CDH18: variants seen among roughly 807,000 people sequenced by gnomAD.
The protein encoded by CDH18 is cadherin-18.
Under a neutral mutation model 67.9 loss-of-function variants are expected in CDH18, and 31 were observed. The observed-to-expected ratio is 0.46, with a 90% CI of 0.34 to 0.62. The LOEUF (loss-of-function observed/expected upper bound fraction) is 0.62, where lower values mean the gene tolerates loss of function less well. Ranked by LOEUF, CDH18 falls within the 20% of genes least tolerant of loss-of-function variation. The pLI, the probability that CDH18 is intolerant of heterozygous loss-of-function variation, is 0.01. For missense variants in CDH18, 890 were observed against 975.5 expected, an observed-to-expected ratio of 0.91 and a Z score of 1.17; for synonymous variants, 362 against 347.2, an observed-to-expected ratio of 1.04 and a Z score of -0.48.
At chr5:19,850,519 A>G (rs1471163570) in intron 2 of CDH18, among the ~76,000 whole-genome samples, 1 of 151,864 alleles carries the variant, frequency 6.6e-6, no homozygotes, top group Non-Finnish European at 1.5e-5. Context: ...AGAAGCTTAC[A>G]GTTTAAATGA....
intron 2 of CDH18, among the ~76,000 whole-genome samples, chr5:20,163,571 G>C (rs1017325383): frequency 8.6e-5 from 13 of 151,986 alleles, no homozygotes; most frequent in African/African-American, 1.9e-4. Context: ...GATCACCATG[G>C]ACTTAATTAT....
At chr5:20,223,128 A>T (rs1394531980) in intron 2 of CDH18, among the ~76,000 whole-genome samples, 1 of 152,106 alleles carries the variant, frequency 6.6e-6, no homozygotes, top group Non-Finnish European at 1.5e-5. Flanking sequence ...CAACCCGTGA[A>T]AGCAGCCAGG....
chr5:20,520,587 G>A (rs980829397), intron 1 of CDH18, among the ~76,000 whole-genome samples: 10 of 152,224 alleles, frequency 6.6e-5, no homozygotes, highest in African/African-American at 2.4e-4. Context: ...GAGGCATTTT[G>A]CGTCTCAGGC....
chr5:20,080,127 T>C (rs1744321803), intron 2 of CDH18, among the ~76,000 whole-genome samples: 1 of 152,318 alleles, frequency 6.6e-6, no homozygotes, highest in South Asian at 2.1e-4. Context: ...TATATTTATG[T>C]ATGCTATCTT....
rs184304109 is a variant in CDH18, at chr5:20,304,205, C to A, written c.-579-48700G>T. The A allele has an allele frequency of 6.7e-6, 10 of 1,497,854 alleles. No homozygotes were observed. The African/African-American group carries it at 9.6e-5, about 14-fold the overall frequency. The allele number at this position is 1,497,854 out of a possible 1,614,324, so 92.8% of individuals were successfully genotyped here. ...AACGTTATTTTTCCCTGTTGGCGTA[C>A]GTGGCATATTGGGTGGAATCAGAGC... On this transcript the variant is annotated intron_variant, in intron 1 of 14. Coordinates refer to the CDH18 transcript ENST00000507958.
At chr5:20,172,206 ATATATATATATATATATG>A (rs1213755078) in intron 2 of CDH18, among the ~76,000 whole-genome samples, 6 of 63,914 alleles carry the variant, frequency 9.4e-5, no homozygotes, top group African/African-American at 3.0e-4. Flanking sequence ...ATATATATAT[ATATATATATATATATATG>A]TATATATATA....
intron 1 of CDH18, among the ~76,000 whole-genome samples, chr5:20,575,069 A>G (rs1759042498): frequency 6.6e-6 from 1 of 152,124 alleles, no homozygotes; most frequent in African/African-American, 2.4e-5. Context: ...TAACACAGCA[A>G]TGGTCCTTTC....
At chr5:20,440,368 T>C (rs1014401456) in intron 1 of CDH18, among the ~76,000 whole-genome samples, 7 of 151,762 alleles carry the variant, frequency 4.6e-5, no homozygotes, top group Non-Finnish European at 1.0e-4. Context: ...AGGTAAGTGG[T>C]GTGGGTTAAG....
intron 2 of CDH18, among the ~76,000 whole-genome samples, chr5:20,000,916 A>G (rs1225741491): frequency 6.6e-6 from 1 of 152,216 alleles, no homozygotes; most frequent in African/African-American, 2.4e-5. Context: ...GAATTTAAAA[A>G]GCCATTTTAG....
intron 2 of CDH18, among the ~76,000 whole-genome samples, chr5:20,038,631 T>A (rs1740115616): frequency 6.6e-6 from 1 of 152,054 alleles, no homozygotes; most frequent in Admixed American, 6.6e-5. Flanking sequence ...ATGCCTTCAA[T>A]AAAATTCAAC....
chr5:19,476,077 G>C (rs115049906), intron 12 of CDH18, among the ~76,000 whole-genome samples: 1,685 of 152,116 alleles, frequency 0.011, 35 homozygotes, highest in African/African-American at 0.039. Context: ...GTGAGAGAAA[G>C]GGATGGTCAC....
At chr5:19,738,707 G>A (rs2840096) in intron 4 of CDH18, among the ~76,000 whole-genome samples, 103,361 of 152,004 alleles carry the variant, frequency 0.68, 40,475 homozygotes, top group Non-Finnish European at 0.86. Flanking sequence ...GTGGTAAGAG[G>A]GTAACCATGT....
intron 1 of CDH18, among the ~76,000 whole-genome samples, chr5:20,433,288 T>C (rs1748915583): frequency 6.6e-6 from 1 of 151,840 alleles, no homozygotes; most frequent in Admixed American, 6.6e-5. Flanking sequence ...TATATATACA[T>C]ATATGTTTAA....
intron 3 of CDH18, among the ~76,000 whole-genome samples, chr5:19,816,254 A>G (rs1269075294): frequency 1.3e-5 from 2 of 151,886 alleles, no homozygotes; most frequent in East Asian, 1.9e-4. Flanking sequence ...AAATAGTGCA[A>G]TGTGGACAAG....
At chr5:20,362,080 C>T (rs1369767973) in intron 1 of CDH18, among the ~76,000 whole-genome samples, 1 of 152,008 alleles carries the variant, frequency 6.6e-6, no homozygotes, top group African/African-American at 2.4e-5. Flanking sequence ...TATTCTTCCC[C>T]AAAGGTAAAT....
intron 5 of CDH18, among the ~76,000 whole-genome samples, chr5:19,617,898 T>A (rs1045293858): frequency 6.6e-6 from 1 of 152,166 alleles, no homozygotes; most frequent in African/African-American, 2.4e-5. Context: ...TGAGCTTGAG[T>A]CACTAGCCTA....
At position 19,721,382 on chromosome 5, in the gene CDH18, T is replaced by C; in HGVS notation, c.608A>G (p.Gln203Arg). 6.2e-7 allele frequency: 1 copy of C among 1,608,358 alleles called. No homozygotes were observed. Among genetic ancestry groups the C allele is most frequent in the Non-Finnish European group, 8.5e-7 (1 of 1,175,760 alleles). The change falls in exon 5 of 13, where the codon CAA becomes CGA. Residue 203 changes from glutamine (Q) to arginine (R), a missense_variant. Physicochemically the swap from Gln to Arg is conservative, Grantham distance 43 (BLOSUM62 1). Coordinates refer to ENST00000382275, the MANE Select transcript of CDH18 (RefSeq NM_004934.5). Reference protein sequence around the residue: ...NSARVVYSILQGQPYFSVDPK... With the variant: ...NSARVVYSILRGQPYFSVDPK... Reference sequence around the variant, plus strand: ...GTCGACGGAGAAGTAGGGTTGTCCTTGGAGAATGCTGTAAACCACCCGAGC... The same window carrying C: ...GTCGACGGAGAAGTAGGGTTGTCCTCGGAGAATGCTGTAAACCACCCGAGC...
intron 1 of CDH18, among the ~76,000 whole-genome samples, chr5:20,571,724 A>G (rs1414665079): frequency 1.3e-5 from 2 of 152,140 alleles, no homozygotes; most frequent in Non-Finnish European, 1.5e-5. Flanking sequence ...AGCAACTTCT[A>G]CACTGATAAG....
At chr5:19,851,864 CCAGAGAAAGCCAGCCTTTT>C (rs1373303254) in intron 2 of CDH18, among the ~76,000 whole-genome samples, 1,617 of 151,670 alleles carry the variant, frequency 0.011, 35 homozygotes, top group African/African-American at 0.037. Flanking sequence ...TGTTTAAACT[CCAGAGAAAGCCAGCCTTTT>C]AGTTCATTAG....
Sources: gnomAD v4.1 joint callset for allele counts (sites outside exome capture counted in the v4.1 genomes callset) on GRCh38, gnomAD v4.1.1 for gene constraint, MANE v1.5 for transcripts, NCBI Gene and HGNC (gene_info 2026-07-23, HGNC 2026-07-21) for gene names.